Variants in MDN1 observed in about 807,000 individuals in gnomAD.
MDN1 encodes midasin AAA ATPase 1, also known as midasin.
A neutral mutation model predicts 669.2 loss-of-function variants in MDN1; 266 were observed. That is an observed-to-expected ratio of 0.40 (90% CI 0.36 to 0.44). MDN1 has a LOEUF of 0.44. MDN1 is among the 20% of genes least tolerant of loss of function. The probability of loss-of-function intolerance (pLI) is 1.00; values close to 1 mark genes in which losing one functional copy is unlikely to be tolerated. For synonymous variants in MDN1, 2,385 were observed against 2,457.1 expected, an observed-to-expected ratio of 0.97 and a Z score of 0.87; for missense variants, 5,940 against 6,754.0, an observed-to-expected ratio of 0.88 and a Z score of 4.22.
intron 33 of MDN1, among the ~76,000 whole-genome samples, chr6:89,735,674 T>C (rs56281344): frequency 0.099 from 15,087 of 152,188 alleles, 972 homozygotes; most frequent in South Asian, 0.16. Context: ...ATACAATAAA[T>C]ATAAGTACTA....
rs761917563 is a variant in MDN1 at position 89,688,732 on chromosome 6, C to G, written c.11100G>C (p.Glu3700Asp). ...GTTTCACCATCAGGTCTGAGGGTGC[C>G]TCCCCAAAAAGAGTGTTATGGGAGA... ...CTLSHNTLFG[E>D]APSDLMVKPD... The change falls in exon 66 of 102, where the codon GAG becomes GAC. Residue 3700 changes from glutamate (E) to aspartate (D), a missense_variant. Coordinates refer to ENST00000369393, the MANE Select transcript of MDN1 (RefSeq NM_014611.3). 2.2e-5 allele frequency: 36 copies of G among 1,614,088 alleles called. No homozygotes were observed. The highest frequency in any genetic ancestry group is 3.0e-5 in the Non-Finnish European group (35 of 1,180,054).
At chr6:89,764,530 A>G (rs573841513) in intron 15 of MDN1, among the ~76,000 whole-genome samples, 1 of 152,300 alleles carries the variant, frequency 6.6e-6, no homozygotes, top group African/African-American at 2.4e-5. Context: ...GTTCAAGCTC[A>G]GGAGGTCAAG....
intron 78 of MDN1, 107 bp downstream of exon 78, chr6:89,675,357 A>G (rs1811109256): frequency 1.1e-6 from 1 of 914,972 alleles, no homozygotes; most frequent in Non-Finnish European, 1.6e-6. Context: ...AATTCATTTC[A>G]CAATTGAGAG....
intron 19 of MDN1, among the ~76,000 whole-genome samples, chr6:89,757,473 G>T (rs1817313326): frequency 6.6e-6 from 1 of 152,134 alleles, no homozygotes; most frequent in Non-Finnish European, 1.5e-5. Context: ...AACACAAAGG[G>T]AAAAATTCTC....
rs114838282 is a variant in MDN1, at chr6:89,762,425, C to T, written c.2250G>A (p.Gly750=). Residue 750 remains glycine (G), a synonymous_variant, in exon 16 of 102, where the codon GGG becomes GGA. Transcript: ENST00000369393. ...TCTGTCTGTAACAGGTCTGAATGTG[C>T]CCCAAGAACGTAAAGTTTTGTTTCT... The part of the protein sequence containing the change: ...FSKKQNFTFL[G]HIQTCYRQKR... 3,820 of 1,613,974 alleles carry T rather than the reference C, an allele frequency of 2.4e-3. 115 individuals carry two copies. The Admixed American group carries it at 0.052, about 22-fold the overall frequency.
chr6:89,788,065 C>A lies in MDN1; in HGVS notation c.1231-108G>T. 5 of 951,056 alleles carry A rather than the reference C, an allele frequency of 5.3e-6. No individual in the cohort carries two copies. The South Asian group carries it at 7.4e-5, about 14-fold the overall frequency. 58.9% of individuals were successfully genotyped at this position (951,056 alleles called of 1,614,324 possible). A position where few individuals can be genotyped will look rare whatever the true frequency, so the allele number is the denominator to read the frequency against. On this transcript the variant is annotated intron_variant, in intron 7 of 101. Coordinates refer to ENST00000369393, the MANE Select transcript of MDN1 (RefSeq NM_014611.3). ...ATGACAGACACACCCTTAAAGGAAA[C>A]GTCAGCTCTCATAGTCCAAACTGGG...
intron 83 of MDN1, among the ~76,000 whole-genome samples, chr6:89,670,161 TATA>T (rs1458594160): frequency 7.6e-4 from 19 of 25,164 alleles, no homozygotes; most frequent in African/African-American, 1.5e-3. Context: ...TATATATATA[TATA>T]TATATATTTT....
chr6:89,673,540 C>T (rs1307395832), intron 79 of MDN1, 78 bp from the exon 80 acceptor site: 4 of 1,232,454 alleles, frequency 3.2e-6, no homozygotes, highest in Non-Finnish European at 4.7e-6. Flanking sequence ...GCAACCACTA[C>T]AAGATATGCA....
At position 89,723,139 on chromosome 6, in the gene MDN1, T is replaced by C. The variant is rs2128313783; in HGVS notation, c.5783A>G (p.Asp1928Gly). 1 of 1,613,902 alleles carries C rather than the reference T, an allele frequency of 6.2e-7. No individual in the cohort carries two copies. Among genetic ancestry groups the C allele is most frequent in the Non-Finnish European group, 8.5e-7 (1 of 1,179,878 alleles). The change falls in exon 40 of 102, where the codon GAT becomes GGT. Residue 1928 changes from aspartate (D) to glycine (G), a missense_variant. By Grantham distance (94) the Asp-to-Gly change is moderately conservative. Transcript: ENST00000369393. ...KKMVAFNNQI[D>G]HEVTVEKKWG... is the part of the protein sequence containing the mutation. ...TTTCTTCTCAACAGTCACTTCATGA[T>C]CAATCTAGAAAGAAAACATCCTGAT...
rs1217134473 is a variant in MDN1, at chr6:89,685,958, G to A, written c.11588C>T (p.Thr3863Ile). 1.9e-6 allele frequency: 3 copies of A among 1,610,922 alleles called. No individual in the cohort carries two copies. Among genetic ancestry groups the A allele is most frequent in the Admixed American group, 3.4e-5 (2 of 59,200 alleles). Residue 3863 changes from threonine (T) to isoleucine (I), a missense_variant, in exon 70 of 102, where the codon ACC (threonine) becomes ATC (isoleucine). Coordinates refer to ENST00000369393, the MANE Select transcript of MDN1 (RefSeq NM_014611.3). ...TEEQEDDKQMTLMLLVSTLQA... is the reference protein window; with the variant it reads ...TEEQEDDKQMILMLLVSTLQA... Reference sequence around the variant, plus strand: ...TAATGTGCTGACCAGCAACATCAAGGTCATCTGTTTGTCATCTTTAAAAAT... The same window carrying A: ...TAATGTGCTGACCAGCAACATCAAGATCATCTGTTTGTCATCTTTAAAAAT...
At chr6:89,690,441 T>G (rs1299693831) in intron 64 of MDN1, among the ~76,000 whole-genome samples, 3 of 151,960 alleles carry the variant, frequency 2.0e-5, no homozygotes, top group Non-Finnish European at 4.4e-5. Flanking sequence ...TGTGGTAGCA[T>G]GCACATGCAG....
intron 7 of MDN1, among the ~76,000 whole-genome samples, chr6:89,788,931 C>G (rs914103699): frequency 2.2e-4 from 33 of 152,264 alleles, no homozygotes; most frequent in African/African-American, 7.7e-4. Flanking sequence ...CGTGACCAGC[C>G]TGGCCAACAT....
At chr6:89,776,529 A>G (rs1818364023) in intron 12 of MDN1, 71 bp downstream of exon 12, 7 of 1,165,084 alleles carry the variant, frequency 6.0e-6, no homozygotes, top group South Asian at 2.8e-5. Flanking sequence ...TAAGGACTAG[A>G]GACCAGCAAG....
Position 89,644,125 on chromosome 6 carries a change from G to A in MDN1, c.16671C>T (p.Tyr5557=), listed in dbSNP as rs1322834932. The A allele has an allele frequency of 1.2e-6, 2 of 1,614,002 alleles. No homozygotes were observed. The highest frequency in any genetic ancestry group is 1.7e-6 in the Non-Finnish European group (2 of 1,179,894). The part of the protein sequence containing the change: ...GPGEMPEIRS[Y]MEEFPFPYYI... Reference sequence around the variant, plus strand: ...AGTATGGGAATGGGAACTCTTCCATGTAGGATCGGATTTCAGGCATCTCTC... The same window carrying A: ...AGTATGGGAATGGGAACTCTTCCATATAGGATCGGATTTCAGGCATCTCTC... The change falls in exon 102 of 102, where the codon TAC becomes TAT. Residue 5557 remains tyrosine (Y), a synonymous_variant. Transcript: ENST00000369393.
chr6:89,790,735 A>G (rs564385214), intron 5 of MDN1, among the ~76,000 whole-genome samples: 2 of 152,136 alleles, frequency 1.3e-5, no homozygotes, highest in African/African-American at 2.4e-5. Flanking sequence ...AAAATAAAGC[A>G]AAGGGCCAGG....
intron 21 of MDN1, among the ~76,000 whole-genome samples, chr6:89,753,830 C>T (rs1817089634): frequency 6.6e-6 from 1 of 152,116 alleles, no homozygotes; most frequent in South Asian, 2.1e-4. Context: ...AGGAGGACAG[C>T]TTGAGCCCAG....
chr6:89,654,446 A>C, intron 92 of MDN1, 112 bp from the exon 93 acceptor site: 1 of 1,392,300 alleles, frequency 7.2e-7, no homozygotes. Flanking sequence ...TAGTGATGCA[A>C]GTTGTGCCAC....
At chr6:89,794,869 A>G (rs938463166) in intron 2 of MDN1, 68 bp from the exon 3 acceptor site, 46 of 1,317,396 alleles carry the variant, frequency 3.5e-5, no homozygotes, top group Non-Finnish European at 4.6e-5. Flanking sequence ...CTGCTTTGTA[A>G]TAGGTTTATC....
chr6:89,784,605 T>C (rs1249704056), intron 9 of MDN1, among the ~76,000 whole-genome samples: 1 of 152,144 alleles, frequency 6.6e-6, no homozygotes, highest in East Asian at 1.9e-4. Flanking sequence ...ATAAAGTGAT[T>C]TACCTCAATT....
Sources: gnomAD v4.1 joint callset for allele counts (sites outside exome capture counted in the v4.1 genomes callset) on GRCh38, gnomAD v4.1.1 for gene constraint, MANE v1.5 for transcripts, NCBI Gene and HGNC (gene_info 2026-07-23, HGNC 2026-07-21) for gene names.